Variants in CHURC1 observed in about 807,000 individuals in gnomAD.
CHURC1 encodes churchill domain containing 1, also known as protein Churchill.
In CHURC1, 12 loss-of-function variants were observed where a neutral mutation model predicts 15.4. The ratio of observed to expected loss-of-function variants is 0.78; its 90% CI spans 0.50 to 1.27. CHURC1 has a LOEUF of 1.27. Among genes scored for constraint, CHURC1 ranks in the 50% most tolerant of loss-of-function variants. CHURC1 has a pLI of 0.00. For missense variants in CHURC1, 132 were observed against 137.8 expected, an observed-to-expected ratio of 0.96 and a Z score of 0.21; for synonymous variants, 42 against 47.5, an observed-to-expected ratio of 0.88 and a Z score of 0.48.
intron 1 of CHURC1, among the ~76,000 whole-genome samples, chr14:64,920,485 C>T (rs1884203773): frequency 6.6e-6 from 1 of 152,230 alleles, no homozygotes; most frequent in Admixed American, 6.5e-5. Context: ...CTGTGCCTCA[C>T]TGATGAAGGT....
intron 1 of CHURC1, among the ~76,000 whole-genome samples, chr14:64,917,299 A>C (rs1282652469): frequency 6.6e-6 from 1 of 152,224 alleles, no homozygotes; most frequent in Non-Finnish European, 1.5e-5. Context: ...ACGGTGGCTC[A>C]CGCCTATAAT....
intron 3 of CHURC1, among the ~76,000 whole-genome samples, chr14:64,926,361 A>G (rs1884699998): frequency 6.6e-6 from 1 of 152,118 alleles, no homozygotes; most frequent in Middle Eastern, 3.4e-3. Context: ...CCTTTCTTAT[A>G]TCTGTGCAAG....
At chr14:64,927,470 C>T (rs1377407384) in intron 3 of CHURC1, among the ~76,000 whole-genome samples, 1 of 152,076 alleles carries the variant, frequency 6.6e-6, no homozygotes, top group Non-Finnish European at 1.5e-5. Context: ...ATGTACAGCT[C>T]CTGAACGGAT....
chr14:64,917,360 C>T (rs993923146), intron 1 of CHURC1, among the ~76,000 whole-genome samples: 2 of 152,180 alleles, frequency 1.3e-5, no homozygotes, highest in African/African-American at 2.4e-5. Flanking sequence ...GTCAGGAGTT[C>T]GAGACCAGCT....
At position 64,933,503 on chromosome 14, in the gene CHURC1, A is replaced by G; in HGVS notation, c.*1273A>G. The G allele has an allele frequency of 1.0e-6, 1 of 984,408 alleles. No homozygotes were observed. Among genetic ancestry groups the G allele is most frequent in the Non-Finnish European group, 1.2e-6 (1 of 828,952 alleles). 61.0% of individuals were successfully genotyped at this position (984,408 alleles called of 1,614,324 possible). Reference sequence around the variant, plus strand: ...TAGCAGTATAGTCATTAAGCAAAGCATTACTCTGGACTTTATTGTCCTGTT... The same window carrying G: ...TAGCAGTATAGTCATTAAGCAAAGCGTTACTCTGGACTTTATTGTCCTGTT... On this transcript the variant is annotated 3_prime_UTR_variant, in exon 4 of 4. Coordinates refer to ENST00000549115, the MANE Select transcript of CHURC1 (RefSeq NM_001386928.1).
rs1356409215 is a variant in CHURC1 at position 64,924,130 on chromosome 14, A to C, written c.175+4A>C. On this transcript the variant is annotated splice_donor_region_variant and intron_variant, in intron 2 of 3. Transcript: ENST00000549115. ...GAAGAAATAGTTACCTATGATCGTAAGTAGACTTTATTTTTTAACCTGAGT... is the reference window on the plus strand; with the variant it reads ...GAAGAAATAGTTACCTATGATCGTACGTAGACTTTATTTTTTAACCTGAGT... The C allele has an allele frequency of 6.2e-7, 1 of 1,600,340 alleles. No individual in the cohort carries two copies. Among genetic ancestry groups the C allele is most frequent in the Non-Finnish European group, 8.5e-7 (1 of 1,172,794 alleles).
At chr14:64,923,010 A>G (rs1313913710) in intron 1 of CHURC1, among the ~76,000 whole-genome samples, 2 of 152,176 alleles carry the variant, frequency 1.3e-5, no homozygotes, top group Non-Finnish European at 2.9e-5. Context: ...GATGCACTGG[A>G]GAAACGTTGA....
chr14:64,932,426 A>G lies in CHURC1; in HGVS notation c.*196A>G. 1 of 1,326,496 alleles carries G rather than the reference A, an allele frequency of 7.5e-7. No homozygotes were observed. The highest frequency in any genetic ancestry group is 9.7e-7 in the Non-Finnish European group (1 of 1,036,064). 82.2% of individuals were successfully genotyped at this position (1,326,496 alleles called of 1,614,324 possible). On this transcript the variant is annotated 3_prime_UTR_variant, in exon 4 of 4. Coordinates refer to ENST00000549115, the MANE Select transcript of CHURC1 (RefSeq NM_001386928.1). Reference sequence around the variant, plus strand: ...AGCTGAGCTCTTCTGCTAAAGTTCAAAGTTCACATCAGTGTAGCCAGAGTG... The same window carrying G: ...AGCTGAGCTCTTCTGCTAAAGTTCAGAGTTCACATCAGTGTAGCCAGAGTG...
chr14:64,919,989 A>C (rs988664833), intron 1 of CHURC1, among the ~76,000 whole-genome samples: 3 of 152,060 alleles, frequency 2.0e-5, no homozygotes, highest in African/African-American at 7.2e-5. Context: ...ATACTGAGAG[A>C]ATACAGTAGA....
chr14:64,916,206 C>G (rs1033931168), intron 1 of CHURC1, among the ~76,000 whole-genome samples: 1 of 152,126 alleles, frequency 6.6e-6, no homozygotes, highest in African/African-American at 2.4e-5. Context: ...AAGAGGCAAA[C>G]CAAAATATAT....
chr14:64,925,950 A>G (rs572353514), intron 2 of CHURC1, 60 bp from the exon 3 acceptor site: 1 of 1,258,720 alleles, frequency 7.9e-7, no homozygotes, highest in South Asian at 1.5e-5. Flanking sequence ...AGAAATTTTA[A>G]TAGAAGTTTT....
chr14:64,918,708 T>A (rs1884065649), intron 1 of CHURC1, among the ~76,000 whole-genome samples: 1 of 152,122 alleles, frequency 6.6e-6, no homozygotes, highest in Non-Finnish European at 1.5e-5. Context: ...TGTGTGCCTA[T>A]AGTTCCACCT....
At chr14:64,930,763 ACT>A (rs1566832036) in intron 3 of CHURC1, 1 of 435,380 alleles carries the variant, frequency 2.3e-6, no homozygotes, top group African/African-American at 2.1e-5. Context: ...TCTCTTTTTG[ACT>A]CTTTACTTTT....
At chr14:64,929,433 C>T (rs1884949003) in intron 3 of CHURC1, among the ~76,000 whole-genome samples, 1 of 152,128 alleles carries the variant, frequency 6.6e-6, no homozygotes, top group Non-Finnish European at 1.5e-5. Context: ...CACCTGGGAA[C>T]TTCTACCTCA....
intron 3 of CHURC1, among the ~76,000 whole-genome samples, chr14:64,931,394 C>T (rs1012001406): frequency 2.6e-5 from 4 of 151,878 alleles, no homozygotes; most frequent in Admixed American, 1.3e-4. Flanking sequence ...ATTAGCCAGG[C>T]GTGATGCCGA....
chr14:64,926,799 A>G (rs976552877), intron 3 of CHURC1, among the ~76,000 whole-genome samples: 1 of 152,234 alleles, frequency 6.6e-6, no homozygotes, highest in Non-Finnish European at 1.5e-5. Flanking sequence ...GATTTATCAT[A>G]AGGATTAATC....
At chr14:64,931,372 A>G (rs190313489) in intron 3 of CHURC1, among the ~76,000 whole-genome samples, 18 of 152,212 alleles carry the variant, frequency 1.2e-4, no homozygotes, top group Admixed American at 1.2e-3. Flanking sequence ...CATCTCTACA[A>G]AAAATTTAAA....
chr14:64,927,307 T>C (rs1884776694), intron 3 of CHURC1, among the ~76,000 whole-genome samples: 1 of 152,188 alleles, frequency 6.6e-6, no homozygotes, highest in African/African-American at 2.4e-5. Flanking sequence ...ATGATATGCG[T>C]AACTTAGGGC....
Position 64,934,052 on chromosome 14 carries a change from T to TAGG in CHURC1, c.*1823_*1824insGGA. 1 of 976,938 alleles carries TAGG rather than the reference T, an allele frequency of 1.0e-6. No homozygotes were observed. The highest frequency in any genetic ancestry group is 4.8e-5 in the South Asian group (1 of 20,906). The allele number at this position is 976,938 out of a possible 1,614,324, so 60.5% of individuals were successfully genotyped here. On this transcript the variant is annotated 3_prime_UTR_variant, in exon 4 of 4. Coordinates refer to ENST00000549115, the MANE Select transcript of CHURC1 (RefSeq NM_001386928.1). ...CAAAAAAACTCAGGCACAAAGAAGTTAAATAACTTGCCGGGTGCGGTGGCT... is the reference window on the plus strand; with the variant it reads ...CAAAAAAACTCAGGCACAAAGAAGTTAGGAAATAACTTGCCGGGTGCGGTGGCT...
Sources: allele counts gnomAD v4.1 joint callset (sites outside exome capture counted in the v4.1 genomes callset), GRCh38; gene constraint gnomAD v4.1.1; transcripts MANE v1.5; gene names NCBI Gene and HGNC (gene_info 2026-07-23, HGNC 2026-07-21).